The following ABI2 variants were observed in gnomAD, a reference collection of about 807,000 sequenced individuals.
ABI2 encodes the protein abelson interactor 2.
ABI2 carries 25 observed loss-of-function variants against 59.2 expected under a neutral mutation model. That is an observed-to-expected ratio of 0.42 (90% confidence interval 0.31 to 0.59). The LOEUF is 0.59. Among genes scored for constraint, ABI2 ranks in the 20% least tolerant of loss-of-function variants. The pLI is 0.14. For missense variants in ABI2, 545 were observed against 681.8 expected (o/e 0.80, Z 2.23); for synonymous variants, 213 against 235.5 (o/e 0.90, Z 0.87).
Position 203,402,658 on chromosome 2 carries a change from A to G in ABI2, c.1116A>G (p.Arg372=). The stretch of plus-strand genomic sequence containing the variant: ...CAATAGGGGGCTCGTTGCCCTATAG[A>G]CGCCCTCCTTCCATTACTTCACAAA... The part of the protein sequence containing the change: ...PPTIGGSLPY[R]RPPSITSQTS... The change falls in exon 9 of 12, where the codon AGA becomes AGG. Residue 372 remains arginine (R), a synonymous_variant. Coordinates refer to ENST00000261018, the MANE Select transcript of ABI2 (RefSeq NM_001375670.1). The G allele has an allele frequency of 6.2e-7, 1 of 1,606,916 alleles. No individual in the cohort carries two copies. Among genetic ancestry groups the G allele is most frequent in the Non-Finnish European group, 8.5e-7 (1 of 1,177,538 alleles).
At chr2:203,384,317 T>TGTTTG (rs1559289797) in intron 4 of ABI2, among the ~76,000 whole-genome samples, 2 of 126,498 alleles carry the variant, frequency 1.6e-5, no homozygotes, top group South Asian at 2.5e-4. Flanking sequence ...TTTTTTTTTT[T>TGTTTG]TTTTTTTGAG....
intron 1 of ABI2, 36 bp downstream of exon 1, chr2:203,328,667 C>G: frequency 7.0e-7 from 1 of 1,434,690 alleles, no homozygotes; most frequent in Non-Finnish European, 9.3e-7. Flanking sequence ...CGTCGGGGAC[C>G]CCCCCGCCGG....
At chr2:203,385,501 A>G (rs576251743) in intron 4 of ABI2, among the ~76,000 whole-genome samples, 1 of 152,312 alleles carries the variant, frequency 6.6e-6, no homozygotes, top group South Asian at 2.1e-4. Context: ...AATACTTTTA[A>G]AAATTTTGCT....
chr2:203,372,551 C>CG (rs2095326611), intron 2 of ABI2, among the ~76,000 whole-genome samples: 1 of 146,570 alleles, frequency 6.8e-6, no homozygotes, highest in Admixed American at 6.7e-5. Flanking sequence ...GCTGGCCGGG[C>CG]GGGGGGCTGA....
rs371941606 is a variant in ABI2, at chr2:203,411,267, C to T, written c.1193-18C>T. 1 of 1,597,998 alleles carries T rather than the reference C, an allele frequency of 6.3e-7. No individual in the cohort carries two copies. The highest frequency in any genetic ancestry group is 1.3e-5 in the African/African-American group (1 of 74,568). On this transcript the variant is annotated intron_variant, in intron 9 of 11. Coordinates refer to ENST00000261018, the MANE Select transcript of ABI2 (RefSeq NM_001375670.1). ...TCGCCCTTATCCCTTATCCTCCACA[C>T]CTTTTTTGTTTTTGCAGTATCTCTT...
Position 203,416,835 on chromosome 2 carries a change from C to T in ABI2, c.1280-73C>T, listed in dbSNP as rs182273619. Reference sequence around the variant, plus strand: ...CAAGTCTAGGTTTATATTCCATGAACCCAGAAGCTTGGATAGGAAATACTG... The same window carrying T: ...CAAGTCTAGGTTTATATTCCATGAATCCAGAAGCTTGGATAGGAAATACTG... On this transcript the variant is annotated intron_variant, in intron 10 of 11. Transcript: ENST00000261018. 87 of 1,430,134 alleles carry T rather than the reference C, an allele frequency of 6.1e-5. No homozygotes were observed. The East Asian group carries it at 1.4e-3, about 23-fold the overall frequency. 88.6% of individuals were successfully genotyped at this position (1,430,134 alleles called of 1,614,324 possible).
rs1183021782 is a variant in ABI2, at chr2:203,427,839, A to G, written c.*487A>G. ...AAGAGGAGGGAACCAACATTTAAAT[A>G]CCACACTTAACCATTTTTACAATTA... On this transcript the variant is annotated 3_prime_UTR_variant, in exon 12 of 12. Coordinates refer to ENST00000261018, the MANE Select transcript of ABI2 (RefSeq NM_001375670.1). 6.5e-6 allele frequency: 1 copy of G among 152,798 alleles called. No individual in the cohort carries two copies. Among genetic ancestry groups the G allele is most frequent in the Non-Finnish European group, 1.5e-5 (1 of 68,190 alleles). The allele number at this position is 152,798 out of a possible 1,614,324, so 9.5% of individuals were successfully genotyped here.
intron 5 of ABI2, among the ~76,000 whole-genome samples, chr2:203,392,274 A>C (rs914324030): frequency 7.5e-6 from 1 of 133,012 alleles, no homozygotes; most frequent in Admixed American, 8.0e-5. Flanking sequence ...CACCACCACC[A>C]TCACCACCAC....
intron 1 of ABI2, among the ~76,000 whole-genome samples, chr2:203,345,038 C>T (rs1322468867): frequency 2.6e-5 from 4 of 152,160 alleles, no homozygotes; most frequent in African/African-American, 7.2e-5. Context: ...GCTGCCGGAG[C>T]CCGCAGTGGC....
At chr2:203,421,255 G>A (rs964417425) in intron 11 of ABI2, among the ~76,000 whole-genome samples, 2 of 152,138 alleles carry the variant, frequency 1.3e-5, no homozygotes, top group African/African-American at 4.8e-5. Context: ...CCTCAACCAA[G>A]GTAGTGGTGC....
chr2:203,339,094 A>T (rs1298434365), intron 1 of ABI2, among the ~76,000 whole-genome samples: 1 of 148,920 alleles, frequency 6.7e-6, no homozygotes, highest in Non-Finnish European at 1.5e-5. Context: ...GAAGACACAC[A>T]GGCGTCCAAC....
intron 1 of ABI2, among the ~76,000 whole-genome samples, chr2:203,359,128 G>A (rs1379590262): frequency 6.6e-6 from 1 of 152,200 alleles, no homozygotes; most frequent in Non-Finnish European, 1.5e-5. Context: ...CCTTAGTGTA[G>A]GTCAGACTGT....
intron 2 of ABI2, among the ~76,000 whole-genome samples, chr2:203,378,113 C>G (rs1180193416): frequency 6.7e-6 from 1 of 150,064 alleles, no homozygotes; most frequent in African/African-American, 2.5e-5. Context: ...TTTTTCTTTT[C>G]TTTTCTTTTT....
chr2:203,338,908 C>CTG (rs148766477), intron 1 of ABI2, among the ~76,000 whole-genome samples: 55 of 64,018 alleles, frequency 8.6e-4, no homozygotes, highest in African/African-American at 2.6e-3. Context: ...GGGTTTATAT[C>CTG]TGTGTGTGTG....
At chr2:203,415,251 G>A (rs1250963699) in intron 10 of ABI2, among the ~76,000 whole-genome samples, 1 of 152,190 alleles carries the variant, frequency 6.6e-6, no homozygotes, top group African/African-American at 2.4e-5. Flanking sequence ...GGGCACAGCA[G>A]ATGGGAAGAA....
chr2:203,329,690 T>G (rs1208505712), intron 1 of ABI2, among the ~76,000 whole-genome samples: 1 of 151,992 alleles, frequency 6.6e-6, no homozygotes, highest in Non-Finnish European at 1.5e-5. Flanking sequence ...CAGTCTTTTT[T>G]TTTTTCCTTT....
chr2:203,382,220 G>C lies in ABI2; in HGVS notation c.480+14G>C. 5 of 1,526,116 alleles carry C rather than the reference G, an allele frequency of 3.3e-6. No individual in the cohort carries two copies. Among genetic ancestry groups the C allele is most frequent in the Non-Finnish European group, 3.5e-6 (4 of 1,141,648 alleles). 94.5% of individuals were successfully genotyped at this position (1,526,116 alleles called of 1,614,324 possible). A position where few individuals can be genotyped will look rare whatever the true frequency, so the allele number is the denominator to read the frequency against. On this transcript the variant is annotated intron_variant, in intron 4 of 11. Transcript: ENST00000261018. ...CTTAGATTTAAGGTAAGAGATTCCA[G>C]GGCTGGATTTCCATTCTTTGTTCTT...
At chr2:203,404,492 T>C (rs2097347624) in intron 9 of ABI2, among the ~76,000 whole-genome samples, 1 of 152,228 alleles carries the variant, frequency 6.6e-6, no homozygotes, top group Non-Finnish European at 1.5e-5. Context: ...TTTTAAACCA[T>C]GTTTTCAAAC....
chr2:203,383,738 G>GT (rs1199902014), intron 4 of ABI2, among the ~76,000 whole-genome samples: 1 of 152,190 alleles, frequency 6.6e-6, no homozygotes, highest in Non-Finnish European at 1.5e-5. Context: ...ATTCTAGCAA[G>GT]TGTCTTAGAA....
Sources: allele counts gnomAD v4.1 joint callset (sites outside exome capture counted in the v4.1 genomes callset), GRCh38; gene constraint gnomAD v4.1.1; transcripts MANE v1.5; gene names NCBI Gene and HGNC (gene_info 2026-07-23, HGNC 2026-07-21).